The following NLRP4 variants were observed in gnomAD, a reference collection of about 807,000 sequenced individuals.
NLRP4 encodes the protein NLR family pyrin domain containing 4.
A neutral mutation model predicts 84.7 loss-of-function variants in NLRP4; 44 were observed. That is an observed-to-expected ratio of 0.52 (90% CI 0.41 to 0.67). NLRP4 has a LOEUF of 0.67. NLRP4 is among the 30% of genes least tolerant of loss of function. NLRP4 has a pLI of 0.00. For missense variants in NLRP4, 1,260 were observed against 1,219.4 expected (o/e 1.03, Z -0.50); for synonymous variants, 544 against 476.4 (o/e 1.14, Z -1.85).
chr19:55,871,626 C>T (rs967236651), intron 7 of NLRP4, among the ~76,000 whole-genome samples: 2 of 152,038 alleles, frequency 1.3e-5, no homozygotes, highest in East Asian at 1.9e-4. Context: ...AATCTGGCAG[C>T]GTGATTTTTA....
chr19:55,861,630 T>G, intron 4 of NLRP4, 83 bp downstream of exon 4: 1 of 1,290,768 alleles, frequency 7.7e-7, no homozygotes, highest in Non-Finnish European at 1.1e-6. Context: ...CGAGGCTAAC[T>G]GCACAAGCAA....
chr19:55,856,596 A>T (rs1406442323), intron 2 of NLRP4, among the ~76,000 whole-genome samples: 1 of 146,190 alleles, frequency 6.8e-6, no homozygotes, highest in South Asian at 2.2e-4. Flanking sequence ...GCTCACTGCA[A>T]CCTCTGCCTC....
intron 7 of NLRP4, 94 bp from the exon 8 acceptor site, chr19:55,876,902 G>A: frequency 9.8e-7 from 1 of 1,017,780 alleles, no homozygotes; most frequent in Non-Finnish European, 1.5e-6. Context: ...CTATCCACAT[G>A]AATGACAAAG....
At chr19:55,842,299 G>C (rs544438626) in intron 1 of NLRP4, among the ~76,000 whole-genome samples, 1 of 152,230 alleles carries the variant, frequency 6.6e-6, no homozygotes, top group African/African-American at 2.4e-5. Context: ...ATAAGAGTTC[G>C]AGTTGACCAT....
At chr19:55,864,661 C>T (rs537272048) in intron 5 of NLRP4, among the ~76,000 whole-genome samples, 5 of 152,322 alleles carry the variant, frequency 3.3e-5, no homozygotes, top group Admixed American at 6.5e-5. Flanking sequence ...CTGCACAATT[C>T]TGTATTCCTA....
intron 1 of NLRP4, among the ~76,000 whole-genome samples, chr19:55,850,679 G>A (rs1299345020): frequency 7.3e-6 from 1 of 137,640 alleles, no homozygotes. Flanking sequence ...CCGTGGCTGC[G>A]GTGTAATGTC....
chr19:55,867,572 G>A, intron 5 of NLRP4, 137 bp from the exon 6 acceptor site: 1 of 704,748 alleles, frequency 1.4e-6, no homozygotes, highest in Non-Finnish European at 2.4e-6. Context: ...GGTTGACAGG[G>A]ATCAAGAACA....
Position 55,867,713 on chromosome 19 carries a change from G to T in NLRP4, c.2191G>T (p.Val731Leu). 1 of 1,613,388 alleles carries T rather than the reference G, an allele frequency of 6.2e-7. No homozygotes were observed. The highest frequency in any genetic ancestry group is 8.5e-7 in the Non-Finnish European group (1 of 1,179,590). Residue 731 changes from valine to leucine, a missense_variant, in exon 6 of 10, where the codon GTA becomes TTA. Around this residue, in one of 3 missense-constraint regions of NLRP4, gnomAD observed 544 missense variants for 531.7 expected, o/e 1.02. Coordinates refer to ENST00000301295, the MANE Select transcript of NLRP4 (RefSeq NM_134444.5). ...GACATTTTCCCTTTCCTGCAGGCTG[G>T]TAAATTGTCACCTCTCACCCATTGA... ...PAGNVKELAL[V>L]NCHLSPIDCE...
At chr19:55,847,592 GC>G (rs1323942151) in intron 1 of NLRP4, among the ~76,000 whole-genome samples, 1 of 152,028 alleles carries the variant, frequency 6.6e-6, no homozygotes, top group Non-Finnish European at 1.5e-5. Context: ...TAAATCCTGT[GC>G]CACATTTCTC....
At chr19:55,847,623 C>G (rs1983847063) in intron 1 of NLRP4, among the ~76,000 whole-genome samples, 1 of 152,036 alleles carries the variant, frequency 6.6e-6, no homozygotes, top group Admixed American at 6.6e-5. Flanking sequence ...CTTTCGTTAC[C>G]ATGGTACATT....
intron 3 of NLRP4, among the ~76,000 whole-genome samples, chr19:55,859,785 G>A (rs563469957): frequency 9.9e-5 from 15 of 151,494 alleles, no homozygotes; most frequent in African/African-American, 1.2e-4. Context: ...AAAATTAGCC[G>A]GGTGTGTAGC....
intron 1 of NLRP4, among the ~76,000 whole-genome samples, chr19:55,837,607 A>AACACACACCACACACACACAC (rs1555805877): frequency 0.013 from 2,027 of 151,560 alleles, 47 homozygotes; most frequent in African/African-American, 0.047. Flanking sequence ...CAACCCTAAA[A>AACACACACCACACACACACAC]ACACACACAC....
chr19:55,864,766 T>TA (rs1984889806), intron 5 of NLRP4, among the ~76,000 whole-genome samples: 1 of 152,116 alleles, frequency 6.6e-6, no homozygotes, highest in Non-Finnish European at 1.5e-5. Flanking sequence ...ACTTATTTTT[T>TA]ATTATACCCA....
chr19:55,878,843 G>C lies in NLRP4; in HGVS notation c.2746G>C (p.Val916Leu). The change falls in exon 9 of 10, where the codon GTT becomes CTT. Residue 916 changes from valine to leucine, a missense_variant. Transcript: ENST00000301295. Reference sequence around the variant, plus strand: ...CACCTGCTGTAAGGATCTCGCGTCTGTTCTCACCTGCAGTAAGACCCTGCA... The same window carrying C: ...CACCTGCTGTAAGGATCTCGCGTCTCTTCTCACCTGCAGTAAGACCCTGCA... ...TSTCCKDLASVLTCSKTLQQL... is the reference protein window; with the variant it reads ...TSTCCKDLASLLTCSKTLQQL... 2 of 1,613,970 alleles carry C rather than the reference G, an allele frequency of 1.2e-6. No homozygotes were observed. The highest frequency in any genetic ancestry group is 1.1e-5 in the South Asian group (1 of 91,054).
chr19:55,849,354 C>T (rs1446372607), intron 1 of NLRP4, among the ~76,000 whole-genome samples: 1 of 152,170 alleles, frequency 6.6e-6, no homozygotes. Flanking sequence ...GTGACTGTAA[C>T]AGTACCGTAG....
intron 1 of NLRP4, among the ~76,000 whole-genome samples, chr19:55,850,629 C>A (rs1188656764): frequency 4.9e-3 from 526 of 107,134 alleles, no homozygotes; most frequent in Non-Finnish European, 6.6e-3. Context: ...GGTGTAATGT[C>A]CGAGGCTGCG....
At chr19:55,840,344 A>ATGTGTGTGTG (rs762148583) in intron 1 of NLRP4, among the ~76,000 whole-genome samples, 2,736 of 119,668 alleles carry the variant, frequency 0.023, 38 homozygotes, top group African/African-American at 0.054. Flanking sequence ...GTGTATGTGT[A>ATGTGTGTGTG]TGTGTGTGTG....
chr19:55,839,928 A>G (rs920527920), intron 1 of NLRP4, among the ~76,000 whole-genome samples: 1 of 152,178 alleles, frequency 6.6e-6, no homozygotes, highest in African/African-American at 2.4e-5. Context: ...TCAGTTCAAA[A>G]TCTTATATCC....
chr19:55,855,094 C>T (rs1984359322), intron 2 of NLRP4, among the ~76,000 whole-genome samples: 1 of 152,120 alleles, frequency 6.6e-6, no homozygotes, highest in Non-Finnish European at 1.5e-5. Context: ...GCTGAGGTCT[C>T]AGCTACCCTG....
Sources: gnomAD v4.1 joint callset for allele counts (sites outside exome capture counted in the v4.1 genomes callset) on GRCh38, gnomAD v4.1.1 for gene constraint, gnomAD v4.1.1 regional missense constraint, MANE v1.5 for transcripts, NCBI Gene and HGNC (gene_info 2026-07-23, HGNC 2026-07-21) for gene names.